The following XKR4 variants were observed in gnomAD, a reference collection of about 807,000 sequenced individuals.
The protein encoded by XKR4 is XK-related protein 4.
A neutral mutation model predicts 53.9 loss-of-function variants in XKR4; 12 were observed. The observed-to-expected ratio is 0.22, with a 90% CI of 0.14 to 0.36. XKR4 has a LOEUF of 0.36. Ranked by LOEUF, XKR4 falls within the 10% of genes least tolerant of loss-of-function variation. The pLI is 1.00. For missense variants in XKR4, 799 were observed against 859.5 expected, an observed-to-expected ratio of 0.93 and a Z score of 0.88; for synonymous variants, 354 against 362.4, an observed-to-expected ratio of 0.98 and a Z score of 0.26.
chr8:55,267,224 GA>G lies in XKR4; in HGVS notation c.807-90445del, dbSNP rs143355226. 6.6e-5 allele frequency among the ~76,000 whole-genome samples: 10 copies of G among 150,414 alleles called. No individual in the cohort carries two copies. The East Asian group carries it at 9.7e-4, about 15-fold the overall frequency. ...TATAATAAGGAATATCCAAACTAGA[GA>G]AAAAAAAACCTATGGGTTACTATAT... On this transcript the variant is annotated intron_variant, in intron 1 of 2. Transcript: ENST00000327381.
intron 2 of XKR4, chr8:55,451,237 G>T: frequency 1.8e-6 from 1 of 571,084 alleles, no homozygotes. Context: ...TTGGCACCAA[G>T]CCCACTGCTG....
intron 1 of XKR4, among the ~76,000 whole-genome samples, chr8:55,228,439 C>T (rs1338543116): frequency 6.6e-6 from 1 of 152,190 alleles, no homozygotes; most frequent in Non-Finnish European, 1.5e-5. Context: ...CAGATTTTAA[C>T]TTAGAATCCT....
intron 1 of XKR4, among the ~76,000 whole-genome samples, chr8:55,303,975 G>A (rs1366024333): frequency 2.0e-5 from 3 of 152,014 alleles, no homozygotes; most frequent in Admixed American, 6.6e-5. Flanking sequence ...TTTTTTGAAG[G>A]GTTTTTTGTG....
At chr8:55,236,415 C>T (rs16921473) in intron 1 of XKR4, among the ~76,000 whole-genome samples, 35,929 of 152,050 alleles carry the variant, frequency 0.24, 4,708 homozygotes, top group East Asian at 0.48. Context: ...AACCTGACTC[C>T]AGTGCAATCC....
At chr8:55,480,266 T>C (rs1563362660) in intron 2 of XKR4, among the ~76,000 whole-genome samples, 2 of 148,118 alleles carry the variant, frequency 1.4e-5, no homozygotes. Flanking sequence ...TCAATAAATG[T>C]AATCCAGCAT....
At chr8:55,290,257 G>C (rs1819000765) in intron 1 of XKR4, among the ~76,000 whole-genome samples, 2 of 151,664 alleles carry the variant, frequency 1.3e-5, no homozygotes, top group Admixed American at 1.3e-4. Context: ...AGCCTCCGGA[G>C]TAGCTGGGAC....
At chr8:55,261,912 T>C (rs1476698458) in intron 1 of XKR4, among the ~76,000 whole-genome samples, 1 of 151,962 alleles carries the variant, frequency 6.6e-6, no homozygotes, top group Non-Finnish European at 1.5e-5. Flanking sequence ...TCATATAAAG[T>C]ATCTTTTTGT....
chr8:55,341,035 TA>T, intron 1 of XKR4, among the ~76,000 whole-genome samples: 1 of 152,088 alleles, frequency 6.6e-6, no homozygotes, highest in Non-Finnish European at 1.5e-5. Flanking sequence ...ATACCAATGG[TA>T]CTTTTGGAGG....
chr8:55,269,737 C>G (rs1818660847), intron 1 of XKR4, among the ~76,000 whole-genome samples: 1 of 152,206 alleles, frequency 6.6e-6, no homozygotes, highest in African/African-American at 2.4e-5. Context: ...TGCCCAAAAG[C>G]TCAGACTGAG....
intron 2 of XKR4, among the ~76,000 whole-genome samples, chr8:55,506,682 C>T (rs982714726): frequency 3.3e-5 from 5 of 152,200 alleles, no homozygotes; most frequent in Non-Finnish European, 7.3e-5. Flanking sequence ...GCCTGCTTGA[C>T]TCAGACATGA....
intron 2 of XKR4, among the ~76,000 whole-genome samples, chr8:55,493,577 G>A (rs774069294): frequency 1.3e-5 from 2 of 152,244 alleles, no homozygotes; most frequent in African/African-American, 2.4e-5. Context: ...AAAAGAGCAA[G>A]TATGGGTCTG....
chr8:55,201,458 T>G (rs1325660902), intron 1 of XKR4, among the ~76,000 whole-genome samples: 1 of 152,214 alleles, frequency 6.6e-6, no homozygotes, highest in East Asian at 1.9e-4. Context: ...TGGAGAGTAA[T>G]TTAAAATTTG....
At chr8:55,254,279 C>T (rs112410563) in intron 1 of XKR4, among the ~76,000 whole-genome samples, 202 of 151,954 alleles carry the variant, frequency 1.3e-3, no homozygotes, top group African/African-American at 4.7e-3. Flanking sequence ...TTCACTTGTA[C>T]GGTGCTGTGA....
chr8:55,273,233 G>A (rs1036940263), intron 1 of XKR4, among the ~76,000 whole-genome samples: 64 of 151,516 alleles, frequency 4.2e-4, no homozygotes, highest in African/African-American at 1.5e-3. Context: ...GATTTGTCAC[G>A]AGTCACTACT....
intron 2 of XKR4, among the ~76,000 whole-genome samples, chr8:55,522,874 A>C (rs1806817864): frequency 6.6e-6 from 1 of 152,156 alleles, no homozygotes; most frequent in East Asian, 1.9e-4. Flanking sequence ...TAGCTTCATG[A>C]CTTCTCCATA....
At chr8:55,365,182 A>T (rs1264485859) in intron 2 of XKR4, among the ~76,000 whole-genome samples, 4 of 152,186 alleles carry the variant, frequency 2.6e-5, no homozygotes, top group African/African-American at 9.7e-5. Flanking sequence ...GATGTGGAGC[A>T]TGAGGCTGCA....
chr8:55,162,661 C>T (rs1817001923), intron 1 of XKR4, among the ~76,000 whole-genome samples: 2 of 152,064 alleles, frequency 1.3e-5, no homozygotes, highest in African/African-American at 2.4e-5. Context: ...ATTGAAAGTC[C>T]CTCCTTGAAA....
At chr8:55,106,240 G>A (rs1397675899) in intron 1 of XKR4, among the ~76,000 whole-genome samples, 2 of 152,088 alleles carry the variant, frequency 1.3e-5, no homozygotes, top group African/African-American at 4.8e-5. Context: ...TAACATCAAA[G>A]CATTTGCTTG....
rs531440489 is a variant in XKR4 at position 55,153,656 on chromosome 8, TAAG to T, written c.806+50368_806+50370del. On this transcript the variant is annotated intron_variant, in intron 1 of 2. Coordinates refer to ENST00000327381, the MANE Select transcript of XKR4 (RefSeq NM_052898.2). ...CAATACAAAAGTAACATGCTTGGAT[TAAG>T]AAGAATTCCTTTCTCTTTGAAAGGC... Among the ~76,000 whole-genome samples the T allele has an allele frequency of 2.0e-5, 3 of 152,216 alleles. No individual in the cohort carries two copies. The South Asian group carries it at 6.2e-4, about 31-fold the overall frequency.
Sources: allele counts gnomAD v4.1 joint callset (sites outside exome capture counted in the v4.1 genomes callset), GRCh38; gene constraint gnomAD v4.1.1; transcripts MANE v1.5; gene names NCBI Gene and HGNC (gene_info 2026-07-23, HGNC 2026-07-21).